The following SGCD variants were observed in gnomAD, a reference collection of about 807,000 sequenced individuals.
The protein encoded by SGCD is delta-sarcoglycan.
A neutral mutation model predicts 36.6 loss-of-function variants in SGCD; 18 were observed. The observed-to-expected ratio is 0.49, with a 90% CI of 0.34 to 0.73. The LOEUF (loss-of-function observed/expected upper bound fraction) is 0.73, where lower values mean the gene tolerates loss of function less well. SGCD is among the 30% of genes least tolerant of loss of function. The pLI, the probability that SGCD is intolerant of heterozygous loss-of-function variation, is 0.01. For synonymous variants in SGCD, 133 were observed against 130.6 expected, an observed-to-expected ratio of 1.02 and a Z score of -0.12; for missense variants, 387 against 346.7, an observed-to-expected ratio of 1.12 and a Z score of -0.92.
chr5:156,054,284 C>CTTT (rs70981996), intron 1 of SGCD, among the ~76,000 whole-genome samples: 17 of 80,380 alleles, frequency 2.1e-4, no homozygotes, highest in African/African-American at 6.1e-4. Context: ...AACTTTCCTT[C>CTTT]TTTTTTTTTT....
chr5:155,810,333 A>G, the SGCD span, among the ~76,000 whole-genome samples: 48 of 152,300 alleles, frequency 3.2e-4, no homozygotes, highest in East Asian at 8.7e-3. Context: ...AAGTCAAGTC[A>G]CCTTTTAATA....
chr5:156,504,382 G>GTA (rs1491093066), intron 3 of SGCD, among the ~76,000 whole-genome samples: 17 of 123,052 alleles, frequency 1.4e-4, no homozygotes, highest in African/African-American at 5.8e-4. Flanking sequence ...GTATATGTGG[G>GTA]TGTGTGTGTG....
chr5:156,105,725 G>A (rs1030659), intron 1 of SGCD, among the ~76,000 whole-genome samples: 29,859 of 151,968 alleles, frequency 0.2, 3,311 homozygotes, highest in Non-Finnish European at 0.25. Context: ...TGGTTTCTCC[G>A]TCTTAAATTT....
At chr5:156,533,310 C>T (rs1757964903) in intron 4 of SGCD, among the ~76,000 whole-genome samples, 1 of 152,148 alleles carries the variant, frequency 6.6e-6, no homozygotes, top group Non-Finnish European at 1.5e-5. Flanking sequence ...CCTGTTACTT[C>T]TCTCTGTCCG....
chr5:156,711,845 G>A (rs886509527), intron 7 of SGCD, among the ~76,000 whole-genome samples: 2 of 152,184 alleles, frequency 1.3e-5, no homozygotes, highest in Non-Finnish European at 2.9e-5. Context: ...TATTAAGAAA[G>A]TAGAGAGACA....
intron 3 of SGCD, among the ~76,000 whole-genome samples, chr5:156,284,283 A>G (rs374178731): frequency 1.3e-5 from 2 of 152,166 alleles, no homozygotes; most frequent in South Asian, 2.1e-4. Context: ...AACTATTCCA[A>G]TCAATAGAAA....
At chr5:156,582,821 GCACACA>G (rs749556271) in intron 4 of SGCD, among the ~76,000 whole-genome samples, 2 of 150,566 alleles carry the variant, frequency 1.3e-5, no homozygotes, top group African/African-American at 2.4e-5. Context: ...ATGTGCACGC[GCACACA>G]CACACACACA....
intron 1 of SGCD, among the ~76,000 whole-genome samples, chr5:156,097,639 A>G (rs1484595422): frequency 1.3e-5 from 2 of 152,134 alleles, no homozygotes; most frequent in African/African-American, 4.8e-5. Context: ...GTGTGTAATT[A>G]GTTGTTGAGA....
chr5:156,564,482 G>A (rs559487488), intron 4 of SGCD, among the ~76,000 whole-genome samples: 12 of 152,118 alleles, frequency 7.9e-5, no homozygotes, highest in South Asian at 2.1e-4. Context: ...TTTAATTTAC[G>A]TTATGTAAAT....
chr5:156,590,345 C>A (rs1193360434), intron 5 of SGCD, among the ~76,000 whole-genome samples: 1 of 152,118 alleles, frequency 6.6e-6, no homozygotes, highest in Non-Finnish European at 1.5e-5. Context: ...AGATTCATAG[C>A]CAGTGGGTGA....
At chr5:156,737,034 T>C (rs1168920879) in intron 7 of SGCD, among the ~76,000 whole-genome samples, 2 of 152,188 alleles carry the variant, frequency 1.3e-5, no homozygotes, top group East Asian at 3.8e-4. Context: ...ACCAAAATAT[T>C]TATTTAATGG....
the SGCD span, among the ~76,000 whole-genome samples, chr5:155,736,159 C>T: frequency 2.6e-5 from 4 of 152,134 alleles, 1 homozygote; most frequent in Admixed American, 2.6e-4. Flanking sequence ...CACATGGTGT[C>T]AATATTATGG....
intron 1 of SGCD, among the ~76,000 whole-genome samples, chr5:155,954,867 C>CATG (rs1242910966): frequency 6.6e-6 from 1 of 152,074 alleles, no homozygotes; most frequent in Non-Finnish European, 1.5e-5. Flanking sequence ...CGAGAGAGCT[C>CATG]ATGTGTAGTT....
intron 1 of SGCD, among the ~76,000 whole-genome samples, chr5:156,015,335 C>T (rs149138650): frequency 6.6e-6 from 1 of 152,142 alleles, no homozygotes; most frequent in Non-Finnish European, 1.5e-5. Context: ...CACACTTGGC[C>T]AGTAGGAGCC....
chr5:156,688,627 T>G lies in SGCD; in HGVS notation c.575+41091T>G, dbSNP rs545350296. 2.1e-3 allele frequency among the ~76,000 whole-genome samples: 318 copies of G among 152,326 alleles called. 1 individual carries two copies. Among genetic ancestry groups the G allele is most frequent in the Non-Finnish European group, 3.8e-3 (261 of 68,032 alleles). On this transcript the variant is annotated intron_variant, in intron 7 of 8. Transcript: ENST00000337851. ...AGAAATCCTGGGAACCAGCAGAGTCTGATCACAGTGAAGAAACTCTGGTTT... is the reference window on the plus strand; with the variant it reads ...AGAAATCCTGGGAACCAGCAGAGTCGGATCACAGTGAAGAAACTCTGGTTT...
chr5:156,620,815 T>C (rs1017930596), intron 6 of SGCD, among the ~76,000 whole-genome samples: 2 of 152,208 alleles, frequency 1.3e-5, no homozygotes, highest in African/African-American at 4.8e-5. Flanking sequence ...TCCCAAAGAC[T>C]GAATTAAGGA....
At chr5:155,848,734 C>CT in the SGCD span, among the ~76,000 whole-genome samples, 1 of 152,172 alleles carries the variant, frequency 6.6e-6, no homozygotes, top group Admixed American at 6.5e-5. Context: ...AGTAAAGTAT[C>CT]TGTGTCTTCC....
At chr5:156,120,839 T>C (rs544828061) in intron 2 of SGCD, among the ~76,000 whole-genome samples, 1 of 152,296 alleles carries the variant, frequency 6.6e-6, no homozygotes, top group Non-Finnish European at 1.5e-5. Context: ...TAACTCCATC[T>C]ATCATTGTGC....
chr5:156,655,623 T>C (rs1763642061), intron 7 of SGCD, among the ~76,000 whole-genome samples: 1 of 152,184 alleles, frequency 6.6e-6, no homozygotes, highest in Admixed American at 6.6e-5. Context: ...GTAATGTTTA[T>C]TGACTTTATT....
Sources: allele counts gnomAD v4.1 joint callset (sites outside exome capture counted in the v4.1 genomes callset), GRCh38; gene constraint gnomAD v4.1.1; transcripts MANE v1.5; gene names NCBI Gene and HGNC (gene_info 2026-07-23, HGNC 2026-07-21).